EML5: variants seen among roughly 807,000 people sequenced by gnomAD.
EML5 encodes EMAP like 5, also known as echinoderm microtubule-associated protein-like 5.
A neutral mutation model predicts 250.0 loss-of-function variants in EML5; 120 were observed. The ratio of observed to expected loss-of-function variants is 0.48; its 90% CI spans 0.41 to 0.56. The LOEUF (loss-of-function observed/expected upper bound fraction) is 0.56, where lower values mean the gene tolerates loss of function less well. Among genes scored for constraint, EML5 ranks in the 20% least tolerant of loss-of-function variants. The pLI is 0.00. For synonymous variants in EML5, 771 were observed against 806.5 expected (o/e 0.96, Z 0.75); for missense variants, 2,006 against 2,437.6 (o/e 0.82, Z 3.73).
At chr14:88,753,407 A>G (rs2038874943) in intron 2 of EML5, among the ~76,000 whole-genome samples, 1 of 152,242 alleles carries the variant, frequency 6.6e-6, no homozygotes, top group African/African-American at 2.4e-5. Flanking sequence ...ACTGGCTATC[A>G]TGTTCAAGGG....
chr14:88,677,398 G>C (rs886956876), intron 21 of EML5, among the ~76,000 whole-genome samples: 2 of 152,184 alleles, frequency 1.3e-5, no homozygotes, highest in South Asian at 4.1e-4. Flanking sequence ...TACAGGCAAA[G>C]ATTCAATTAT....
intron 1 of EML5, among the ~76,000 whole-genome samples, chr14:88,765,746 T>G (rs559552107): frequency 6.6e-6 from 1 of 152,208 alleles, no homozygotes; most frequent in African/African-American, 2.4e-5. Flanking sequence ...TTGAGTCCCC[T>G]GGAGAATTAT....
intron 15 of EML5, among the ~76,000 whole-genome samples, chr14:88,696,565 A>G (rs116865094): frequency 0.013 from 2,044 of 152,286 alleles, 13 homozygotes; most frequent in Middle Eastern, 0.044. Context: ...ACCTGTGGTA[A>G]CTGAGATGAA....
At position 88,657,389 on chromosome 14, in the gene EML5, A is replaced by T. The variant is rs764318873; in HGVS notation, c.3991T>A (p.Ser1331Thr). 1.3e-6 allele frequency: 2 copies of T among 1,576,374 alleles called. No homozygotes were observed. Among genetic ancestry groups the T allele is most frequent in the South Asian group, 2.3e-5 (2 of 86,262 alleles). The stretch of plus-strand genomic sequence containing the variant: ...CTAAATTATTACCTTTCATCAATTG[A>T]GGGTTCTTTTTGTTGTAAATGAGGC... ...IKPHLQQKEP[S>T]IDERQGVVRG... The change falls in exon 27 of 44, where the codon TCA (serine) becomes ACA (threonine). Residue 1331 changes from serine to threonine, a missense_variant. Ser to Thr is a moderately conservative substitution (Grantham distance 58). Transcript: ENST00000554922.
rs1265969953 is a variant in EML5, at chr14:88,704,850, T to C, written c.2051+10A>G. The C allele has an allele frequency of 1.1e-5, 18 of 1,595,404 alleles. No individual in the cohort carries two copies. The highest frequency in any genetic ancestry group is 1.5e-5 in the Non-Finnish European group (17 of 1,167,412). The stretch of plus-strand genomic sequence containing the variant: ...TTCAAACAAATAAATGAAAGATAGT[T>C]GTTTTATACCCGTGAACAAAGTGTA... On this transcript the variant is annotated intron_variant, in intron 13 of 43. Coordinates refer to ENST00000554922, the MANE Select transcript of EML5 (RefSeq NM_183387.3).
chr14:88,766,184 T>A (rs896136811), intron 1 of EML5, among the ~76,000 whole-genome samples: 2 of 152,140 alleles, frequency 1.3e-5, no homozygotes, highest in Non-Finnish European at 2.9e-5. Context: ...ACAAATTGTT[T>A]AAACAATATG....
At chr14:88,663,176 C>A in intron 23 of EML5, 57 bp from the exon 24 acceptor site, 1 of 1,145,564 alleles carries the variant, frequency 8.7e-7, no homozygotes, top group Non-Finnish European at 1.2e-6. Flanking sequence ...AATATATATA[C>A]CATCAGTATG....
intron 14 of EML5, among the ~76,000 whole-genome samples, chr14:88,699,968 A>G (rs1235227836): frequency 1.3e-5 from 2 of 152,120 alleles, no homozygotes; most frequent in Non-Finnish European, 2.9e-5. Context: ...ACACACACAC[A>G]TATATACACA....
chr14:88,719,728 A>T (rs2093560593), intron 8 of EML5, among the ~76,000 whole-genome samples: 1 of 152,164 alleles, frequency 6.6e-6, no homozygotes, highest in African/African-American at 2.4e-5. Context: ...AATGGTGGAA[A>T]AGGACTTTCC....
intron 1 of EML5, among the ~76,000 whole-genome samples, chr14:88,768,273 T>G (rs1433251649): frequency 6.6e-6 from 1 of 152,228 alleles, no homozygotes; most frequent in Non-Finnish European, 1.5e-5. Context: ...TTTTTCTTTG[T>G]AGTCACTAAG....
At chr14:88,694,648 C>T (rs529689809) in intron 16 of EML5, among the ~76,000 whole-genome samples, 1 of 152,240 alleles carries the variant, frequency 6.6e-6, no homozygotes, top group African/African-American at 2.4e-5. Flanking sequence ...ATCTATAATA[C>T]CTACTATAGT....
chr14:88,662,272 G>A (rs2092128261), intron 24 of EML5, among the ~76,000 whole-genome samples: 1 of 125,296 alleles, frequency 8.0e-6, no homozygotes, highest in Admixed American at 8.5e-5. Context: ...CTCTTCCTAG[G>A]CCAAGATAAA....
At chr14:88,661,960 T>A in intron 24 of EML5, 130 bp from the exon 25 acceptor site, 1 of 863,064 alleles carries the variant, frequency 1.2e-6, no homozygotes, top group Non-Finnish European at 1.7e-6. Flanking sequence ...AAAAAATAGT[T>A]AAATTATTAG....
chr14:88,704,214 A>C (rs1199330851), intron 13 of EML5, among the ~76,000 whole-genome samples: 1 of 152,020 alleles, frequency 6.6e-6, no homozygotes, highest in East Asian at 1.9e-4. Flanking sequence ...TAGTTCATAC[A>C]AGATCTGATT....
chr14:88,657,009 T>C (rs2091897972), intron 27 of EML5, among the ~76,000 whole-genome samples: 1 of 152,176 alleles, frequency 6.6e-6, no homozygotes, highest in Admixed American at 6.6e-5. Flanking sequence ...GTATTTTTTT[T>C]TGAGACAGGG....
chr14:88,775,959 T>C (rs1247135000), intron 1 of EML5, among the ~76,000 whole-genome samples: 1 of 150,620 alleles, frequency 6.6e-6, no homozygotes, highest in Admixed American at 6.6e-5. Flanking sequence ...GAGAAATGAG[T>C]AAGAGTGTGC....
chr14:88,636,661 A>T (rs890653973), intron 32 of EML5, among the ~76,000 whole-genome samples: 1 of 152,200 alleles, frequency 6.6e-6, no homozygotes, highest in Non-Finnish European at 1.5e-5. Flanking sequence ...ACTCTGTCAC[A>T]AACAAAGAAA....
At chr14:88,678,220 T>C (rs1446144386) in intron 21 of EML5, among the ~76,000 whole-genome samples, 1 of 152,060 alleles carries the variant, frequency 6.6e-6, no homozygotes, top group Non-Finnish European at 1.5e-5. Context: ...TGTTCTCCCT[T>C]ATAAGTGGGA....
intron 10 of EML5, among the ~76,000 whole-genome samples, chr14:88,712,031 G>A (rs946086694): frequency 6.6e-6 from 1 of 151,188 alleles, no homozygotes; most frequent in Non-Finnish European, 1.5e-5. Context: ...TCTTTGAAAA[G>A]AAAGAGATAT....
Sources: allele counts gnomAD v4.1 joint callset (sites outside exome capture counted in the v4.1 genomes callset), GRCh38; gene constraint gnomAD v4.1.1; transcripts MANE v1.5; gene names NCBI Gene and HGNC (gene_info 2026-07-23, HGNC 2026-07-21).